Variants in CABIN1 observed in about 807,000 individuals in gnomAD.
CABIN1 encodes the protein calcineurin binding protein 1.
In CABIN1, 133 loss-of-function variants were observed where a neutral mutation model predicts 227.7. The observed-to-expected ratio is 0.58, with a 90% confidence interval of 0.51 to 0.67. The LOEUF (loss-of-function observed/expected upper bound fraction) is 0.67. CABIN1 is among the 30% of genes least tolerant of loss of function. The probability of loss-of-function intolerance (pLI) is 0.00; values close to 1 mark genes in which losing one functional copy is unlikely to be tolerated. For synonymous variants in CABIN1, 1,086 were observed against 1,155.1 expected (o/e 0.94, Z 1.21); for missense variants, 2,408 against 2,852.5 (o/e 0.84, Z 3.55).
At chr22:24,135,402 A>T (rs538798625) in intron 29 of CABIN1, among the ~76,000 whole-genome samples, 4 of 151,696 alleles carry the variant, frequency 2.6e-5, no homozygotes, top group South Asian at 4.2e-4. Context: ...AAAAAAAAAG[A>T]GTGTGACCAA....
intron 16 of CABIN1, 126 bp from the exon 17 acceptor site, chr22:24,070,672 TGC>T (rs975811858): frequency 5.7e-6 from 8 of 1,394,568 alleles, no homozygotes; most frequent in South Asian, 1.2e-5. Flanking sequence ...GCCTATGTTG[TGC>T]TGGGGCTCGT....
intron 1 of CABIN1, among the ~76,000 whole-genome samples, chr22:24,019,731 C>T (rs996737723): frequency 1.5e-4 from 21 of 140,402 alleles, no homozygotes; most frequent in Middle Eastern, 7.9e-3. Context: ...AATCTTAGCT[C>T]ACCACAACCT....
At position 24,178,465 on chromosome 22, in the gene CABIN1, A is replaced by C; in HGVS notation, c.*269A>C. The stretch of plus-strand genomic sequence containing the variant: ...TGCACGCCAGGCGGCATCCTTTTCT[A>C]TGAAGTGTTGACTTTGTAAATCTGC... On this transcript the variant is annotated 3_prime_UTR_variant, in exon 37 of 37. Transcript: ENST00000263119. 2 of 497,164 alleles carry C rather than the reference A, an allele frequency of 4.0e-6. No individual in the cohort carries two copies. The highest frequency in any genetic ancestry group is 3.7e-6 in the Non-Finnish European group (1 of 270,992). The allele number at this position is 497,164 out of a possible 1,614,324, so 30.8% of individuals were successfully genotyped here.
At chr22:24,113,478 G>A (rs527770314) in intron 26 of CABIN1, 88 bp from the exon 27 acceptor site, 42 of 1,250,924 alleles carry the variant, frequency 3.4e-5, no homozygotes, top group East Asian at 1.4e-4. Flanking sequence ...CCAGGCCACC[G>A]GCAGGGAGAC....
At position 24,083,248 on chromosome 22, in the gene CABIN1, A is replaced by G; in HGVS notation, c.2769A>G (p.Glu923=). 6.2e-7 allele frequency: 1 copy of G among 1,612,572 alleles called. No homozygotes were observed. Among genetic ancestry groups the G allele is most frequent in the Non-Finnish European group, 8.5e-7 (1 of 1,180,026 alleles). ...CACAGGTGCGAGTACTCCAGAAGGAACTGGCTGCATCCACCTCTGAAGACA... is the reference window on the plus strand; with the variant it reads ...CACAGGTGCGAGTACTCCAGAAGGAGCTGGCTGCATCCACCTCTGAAGACA... ...LRFYVRVLQK[E]LAASTSEDTH... is the part of the protein sequence containing the mutation. The change falls in exon 20 of 37, where the codon GAA becomes GAG. Residue 923 remains glutamate, a synonymous_variant. Transcript: ENST00000263119.
In CABIN1 at chr22:24,169,083, G is replaced by A. The variant is rs572679167; in HGVS notation, c.5757+562G>A. Among the ~76,000 whole-genome samples, 4 of 152,140 alleles carry A rather than the reference G, an allele frequency of 2.6e-5. No individual in the cohort carries two copies. In the East Asian group the frequency reaches 7.7e-4, roughly 29 times the overall value. ...GCCAGGGCTGGGGAGGGGGGGGCGG[G>A]GTCCAAGATATGGCAGGGAGTAGGG... On this transcript the variant is annotated intron_variant, in intron 33 of 36. Transcript: ENST00000263119.
At chr22:24,062,458 AG>A (rs1216748569) in intron 13 of CABIN1, among the ~76,000 whole-genome samples, 1 of 149,864 alleles carries the variant, frequency 6.7e-6, no homozygotes, top group Non-Finnish European at 1.5e-5. Context: ...CCCAGGCTCA[AG>A]TGATTCTCCC....
intron 33 of CABIN1, among the ~76,000 whole-genome samples, chr22:24,168,815 C>T (rs544241376): frequency 8.5e-5 from 13 of 152,302 alleles, no homozygotes; most frequent in African/African-American, 2.2e-4. Context: ...AAGGTCATTC[C>T]GTTTGGAACA....
intron 29 of CABIN1, among the ~76,000 whole-genome samples, chr22:24,137,867 C>T (rs928100941): frequency 2.6e-5 from 4 of 152,248 alleles, no homozygotes; most frequent in African/African-American, 9.6e-5. Flanking sequence ...GGCCATGTCT[C>T]TGGTAGATAG....
At chr22:24,012,413 T>C (rs1482129785) in intron 1 of CABIN1, among the ~76,000 whole-genome samples, 1 of 152,112 alleles carries the variant, frequency 6.6e-6, no homozygotes, top group Non-Finnish European at 1.5e-5. Context: ...AGAACCCTCA[T>C]CTAGTACAAA....
At position 24,095,968 on chromosome 22, in the gene CABIN1, T is replaced by A; in HGVS notation, c.3824T>A (p.Leu1275Gln). 6.2e-7 allele frequency: 1 copy of A among 1,614,122 alleles called. No homozygotes were observed. The highest frequency in any genetic ancestry group is 8.5e-7 in the Non-Finnish European group (1 of 1,179,992). ...FRLHASILKLLGKPDSGVGAE... is the reference protein window; with the variant it reads ...FRLHASILKLQGKPDSGVGAE... The stretch of plus-strand genomic sequence containing the variant: ...CTCCATGCTTCCATCCTGAAGCTCC[T>A]GGGGAAGCCCGATTCTGGGGTTGGT... The change falls in exon 25 of 37, where the codon CTG becomes CAG. Residue 1275 changes from leucine (L) to glutamine (Q), a missense_variant. Physicochemically the swap from Leu to Gln is moderately radical, Grantham distance 113. Transcript: ENST00000263119.
At chr22:24,067,317 C>G in intron 16 of CABIN1, 136 bp downstream of exon 16, 2 of 910,128 alleles carry the variant, frequency 2.2e-6, no homozygotes, top group African/African-American at 1.6e-5. Flanking sequence ...CACTAAGCCC[C>G]CAGGAAGATG....
chr22:24,014,433 T>TC (rs1555901370), intron 1 of CABIN1, among the ~76,000 whole-genome samples: 1 of 151,888 alleles, frequency 6.6e-6, no homozygotes, highest in African/African-American at 2.4e-5. Context: ...TTTTTTTTTT[T>TC]CCTTCAAGCA....
intron 35 of CABIN1, among the ~76,000 whole-genome samples, chr22:24,176,670 C>T (rs1408565809): frequency 6.6e-6 from 1 of 152,156 alleles, no homozygotes; most frequent in Non-Finnish European, 1.5e-5. Context: ...TGAGGGACAT[C>T]AGCAGCAGGC....
In CABIN1 at chr22:24,072,479, CCAG is replaced by C. The variant is rs757097523; in HGVS notation, c.2609_2611del (p.Gln870del). ...AAGACACCTTCCATTCTCTGTGCCA[CCAG>C]CAGCAGCTCCAAAACCCAGCGGAGG... On this transcript the variant is annotated inframe_deletion, in exon 18 of 37. Transcript: ENST00000263119. 3 of 1,614,226 alleles carry C rather than the reference CCAG, an allele frequency of 1.9e-6. No homozygotes were observed. The African/African-American group carries it at 4.0e-5, about 22-fold the overall frequency.
intron 27 of CABIN1, among the ~76,000 whole-genome samples, chr22:24,116,571 G>T (rs1247828505): frequency 1.3e-5 from 2 of 152,336 alleles, no homozygotes; most frequent in African/African-American, 4.8e-5. Flanking sequence ...TCCTCACTGG[G>T]CTCTTTTCTC....
intron 8 of CABIN1, among the ~76,000 whole-genome samples, chr22:24,053,230 A>G (rs906526349): frequency 6.6e-6 from 1 of 151,522 alleles, no homozygotes; most frequent in African/African-American, 2.4e-5. Flanking sequence ...GGTGCCCACC[A>G]CCACGCCCGG....
At chr22:24,035,654 T>A in intron 2 of CABIN1, 134 bp downstream of exon 2, 1 of 1,142,044 alleles carries the variant, frequency 8.8e-7, no homozygotes, top group Non-Finnish European at 1.3e-6. Context: ...GGAAGGCTGT[T>A]GGCACCTTTG....
intron 1 of CABIN1, among the ~76,000 whole-genome samples, chr22:24,015,884 G>A (rs1050770277): frequency 6.6e-6 from 1 of 152,120 alleles, no homozygotes; most frequent in Non-Finnish European, 1.5e-5. Flanking sequence ...CTTGAACCCG[G>A]GAGGCAGAGG....
Sources: gnomAD v4.1 joint callset for allele counts (sites outside exome capture counted in the v4.1 genomes callset) on GRCh38, gnomAD v4.1.1 for gene constraint, MANE v1.5 for transcripts, NCBI Gene and HGNC (gene_info 2026-07-23, HGNC 2026-07-21) for gene names.